The following TYR variants were observed in gnomAD, a reference collection of about 807,000 sequenced individuals.
TYR encodes the protein tyrosinase, also known as LB24-AB.
TYR carries 58 observed loss-of-function variants against 51.5 expected under a neutral mutation model. The observed-to-expected ratio is 1.13, with a 90% CI of 0.91 to 1.40. The LOEUF is 1.40. Among genes scored for constraint, TYR ranks in the 40% most tolerant of loss-of-function variants. TYR has a pLI of 0.00. For synonymous variants in TYR, 263 were observed against 235.2 expected (o/e 1.12, Z -1.08); for missense variants, 732 against 647.4 (o/e 1.13, Z -1.42).
intron 3 of TYR, among the ~76,000 whole-genome samples, chr11:89,250,208 T>A (rs1217632207): frequency 2.6e-5 from 4 of 152,056 alleles, no homozygotes; most frequent in Non-Finnish European, 5.9e-5. Flanking sequence ...AACTATAGTG[T>A]CATGAGTTTC....
At chr11:89,188,876 A>C (rs191971465) in intron 1 of TYR, among the ~76,000 whole-genome samples, 10 of 152,100 alleles carry the variant, frequency 6.6e-5, no homozygotes, top group Middle Eastern at 3.4e-3. Context: ...AGAGAGGGAA[A>C]GGGAAAGATC....
rs541953772 is a variant in TYR at position 89,239,450 on chromosome 11, C to CT, written c.1184+11488dup. Reference sequence around the variant, plus strand: ...TTCTAATTTTATTTATTTGCATCTTCTTTTTTTTCTTATTCTGGATAAAGG... The same window carrying CT: ...TTCTAATTTTATTTATTTGCATCTTCTTTTTTTTTCTTATTCTGGATAAAGG... On this transcript the variant is annotated intron_variant, in intron 3 of 4. Transcript: ENST00000263321. Among the ~76,000 whole-genome samples, 9 of 151,800 alleles carry CT rather than the reference C, an allele frequency of 5.9e-5. No individual in the cohort carries two copies. In the South Asian group the frequency reaches 1.9e-3, roughly 32 times the overall value.
At chr11:89,268,499 C>T (rs1424580228) in intron 3 of TYR, among the ~76,000 whole-genome samples, 1 of 151,740 alleles carries the variant, frequency 6.6e-6, no homozygotes, top group Non-Finnish European at 1.5e-5. Context: ...GGCAGCATAG[C>T]CATCTTAAGA....
At chr11:89,266,985 G>T (rs1590889167) in intron 3 of TYR, among the ~76,000 whole-genome samples, 1 of 151,914 alleles carries the variant, frequency 6.6e-6, no homozygotes, top group Non-Finnish European at 1.5e-5. Context: ...CTGGGGGAAA[G>T]ACTTGTCATT....
At chr11:89,256,477 GT>G (rs1944393119) in intron 3 of TYR, among the ~76,000 whole-genome samples, 1 of 151,730 alleles carries the variant, frequency 6.6e-6, no homozygotes, top group African/African-American at 2.4e-5. Context: ...ATGTGTGTGT[GT>G]GTGTGTGTAT....
intron 2 of TYR, among the ~76,000 whole-genome samples, chr11:89,203,443 T>G (rs1943626265): frequency 6.6e-6 from 1 of 152,170 alleles, no homozygotes; most frequent in South Asian, 2.1e-4. Context: ...TGTGAAACAA[T>G]GAAATTTTGG....
chr11:89,242,360 A>G (rs1447628217), intron 3 of TYR, among the ~76,000 whole-genome samples: 1 of 145,830 alleles, frequency 6.9e-6, no homozygotes, highest in Non-Finnish European at 1.5e-5. Flanking sequence ...GGCACCCACC[A>G]CCACGCCCAG....
intron 3 of TYR, among the ~76,000 whole-genome samples, chr11:89,282,380 A>G (rs796687917): frequency 1.1e-4 from 16 of 151,920 alleles, no homozygotes; most frequent in African/African-American, 3.4e-4. Flanking sequence ...TAATTTACCA[A>G]TTGAAAACAC....
intron 2 of TYR, among the ~76,000 whole-genome samples, chr11:89,193,564 C>T (rs1009071615): frequency 4.6e-5 from 7 of 152,064 alleles, no homozygotes; most frequent in African/African-American, 1.7e-4. Flanking sequence ...GGCACACAGT[C>T]GTTCGGTAAG....
intron 1 of TYR, among the ~76,000 whole-genome samples, chr11:89,185,336 T>A (rs547467925): frequency 2.6e-5 from 4 of 152,218 alleles, no homozygotes; most frequent in African/African-American, 9.6e-5. Context: ...TAGAAATATA[T>A]TCTATGGTAA....
At chr11:89,181,364 G>T (rs529878380) in intron 1 of TYR, among the ~76,000 whole-genome samples, 5 of 152,294 alleles carry the variant, frequency 3.3e-5, no homozygotes, top group Admixed American at 3.3e-4. Flanking sequence ...CTAATGTGCA[G>T]CCAGCACTGA....
intron 3 of TYR, among the ~76,000 whole-genome samples, chr11:89,248,105 AG>A (rs1343493415): frequency 6.6e-6 from 1 of 152,156 alleles, no homozygotes; most frequent in Non-Finnish European, 1.5e-5. Flanking sequence ...TCTTTTTCTC[AG>A]CCATAAAATG....
At chr11:89,252,617 C>T (rs1477836342) in intron 3 of TYR, among the ~76,000 whole-genome samples, 3 of 151,812 alleles carry the variant, frequency 2.0e-5, no homozygotes, top group Non-Finnish European at 2.9e-5. Flanking sequence ...TTGCACTCCA[C>T]ATAAGTTTTG....
At chr11:89,208,076 G>T (rs918797212) in intron 2 of TYR, among the ~76,000 whole-genome samples, 6 of 152,156 alleles carry the variant, frequency 3.9e-5, no homozygotes, top group African/African-American at 7.2e-5. Flanking sequence ...AGACCATCCT[G>T]GCTAACACAG....
At chr11:89,262,174 T>A (rs997680841) in intron 3 of TYR, among the ~76,000 whole-genome samples, 24 of 152,180 alleles carry the variant, frequency 1.6e-4, no homozygotes, top group African/African-American at 5.1e-4. Flanking sequence ...TTCTCCTGCC[T>A]CGGCCTCCTG....
In TYR at chr11:89,256,737, G is replaced by A. The variant is rs1321313468; in HGVS notation, c.1185-28036G>A. Among the ~76,000 whole-genome samples the A allele has an allele frequency of 3.3e-5, 5 of 151,922 alleles. No homozygotes were observed. In the East Asian group the frequency reaches 9.7e-4, roughly 29 times the overall value. ...TATTAGAATCTAATAGTTTTGGGAA[G>A]GGCTTCAAAAACCTGAACTCAGATT... is the stretch of plus-strand genomic sequence containing the variant. On this transcript the variant is annotated intron_variant, in intron 3 of 4. Transcript: ENST00000263321.
rs1228598256 is a variant in TYR, at chr11:89,257,577, A to C, written c.1185-27196A>C. 2.0e-5 allele frequency among the ~76,000 whole-genome samples: 3 copies of C among 152,210 alleles called. No individual in the cohort carries two copies. The East Asian group carries it at 5.8e-4, about 29-fold the overall frequency. On this transcript the variant is annotated intron_variant, in intron 3 of 4. Transcript: ENST00000263321. Reference sequence around the variant, plus strand: ...GATCACACATATGAAATAATGAGACATGAAATGTTAATATATAAAAATACT... The same window carrying C: ...GATCACACATATGAAATAATGAGACCTGAAATGTTAATATATAAAAATACT...
In TYR at chr11:89,182,475, G is replaced by A. The variant is rs140392363; in HGVS notation, c.819+3703G>A. On this transcript the variant is annotated intron_variant, in intron 1 of 4. Coordinates refer to ENST00000263321, the MANE Select transcript of TYR (RefSeq NM_000372.5). ...CTGGTAGTTCCATATGTATGTCTGC[G>A]TGTGTGCATGCAAAGAAAGACAATA... Among the ~76,000 whole-genome samples, 83 of 152,212 alleles carry A rather than the reference G, an allele frequency of 5.5e-4. 1 individual carries two copies. In the East Asian group the frequency reaches 0.014, roughly 25 times the overall value.
chr11:89,197,891 A>G (rs559013251), intron 2 of TYR, among the ~76,000 whole-genome samples: 2 of 139,472 alleles, frequency 1.4e-5, no homozygotes, highest in South Asian at 2.2e-4. Flanking sequence ...TATAAAGCTG[A>G]TATTATGCTT....
Sources: allele counts gnomAD v4.1 joint callset (sites outside exome capture counted in the v4.1 genomes callset), GRCh38; gene constraint gnomAD v4.1.1; transcripts MANE v1.5; gene names NCBI Gene and HGNC (gene_info 2026-07-23, HGNC 2026-07-21).